The following POLN variants were observed in gnomAD, a reference collection of about 807,000 sequenced individuals.
POLN encodes the protein DNA polymerase N.
POLN carries 108 observed loss-of-function variants against 113.5 expected under a neutral mutation model. The observed-to-expected ratio is 0.95, with a 90% CI of 0.81 to 1.12. POLN has a LOEUF of 1.12. Ranked by LOEUF, POLN falls within the 50% of genes most tolerant of loss-of-function variation. POLN has a pLI of 0.00. For missense variants in POLN, 1,097 were observed against 1,077.1 expected (o/e 1.02, Z -0.26); for synonymous variants, 386 against 391.5 (o/e 0.99, Z 0.17).
chr4:2,177,915 G>T (rs1733034304), intron 8 of POLN, among the ~76,000 whole-genome samples: 1 of 152,244 alleles, frequency 6.6e-6, no homozygotes, highest in Non-Finnish European at 1.5e-5. Context: ...AAGCCTACCA[G>T]TTCCAGCTCC....
intron 16 of POLN, among the ~76,000 whole-genome samples, chr4:2,137,341 G>A (rs867393917): frequency 2.8e-4 from 43 of 152,052 alleles, no homozygotes; most frequent in African/African-American, 8.7e-4. Flanking sequence ...CAATGCCAGC[G>A]GTCTCTTGAA....
chr4:2,116,607 G>A (rs924828918), intron 19 of POLN, among the ~76,000 whole-genome samples: 5 of 152,040 alleles, frequency 3.3e-5, no homozygotes, highest in African/African-American at 1.2e-4. Context: ...ATAGGATAGG[G>A]TGTGCATACA....
At chr4:2,176,393 C>G (rs754925845) in intron 8 of POLN, 59 bp from the exon 9 acceptor site, 25 of 1,268,516 alleles carry the variant, frequency 2.0e-5, no homozygotes, top group Admixed American at 4.7e-5. Context: ...GTGCTCACCA[C>G]AGTCTGTAAC....
In POLN at chr4:2,193,107, G is replaced by C. The variant is rs756772694; in HGVS notation, c.1021+97C>G. On this transcript the variant is annotated intron_variant, in intron 7 of 25. Transcript: ENST00000511885. Reference sequence around the variant, plus strand: ...CAGTCTGTGTGGCCAGGTCCTCCAGGAGTTGTGTGACATGGCTGCCCTCAC... The same window carrying C: ...CAGTCTGTGTGGCCAGGTCCTCCAGCAGTTGTGTGACATGGCTGCCCTCAC... 153 of 892,576 alleles carry C rather than the reference G, an allele frequency of 1.7e-4. 1 individual carries two copies. Among genetic ancestry groups the C allele is most frequent in the Non-Finnish European group, 4.2e-5 (24 of 577,014 alleles). 55.3% of individuals were successfully genotyped at this position (892,576 alleles called of 1,614,324 possible).
chr4:2,211,309 T>C (rs1481501065), intron 4 of POLN, among the ~76,000 whole-genome samples: 1 of 148,756 alleles, frequency 6.7e-6, no homozygotes, highest in Non-Finnish European at 1.5e-5. Flanking sequence ...AAGAGGATTG[T>C]GGATATCAAG....
chr4:2,217,947 C>T (rs565927814), intron 3 of POLN, among the ~76,000 whole-genome samples: 1 of 152,352 alleles, frequency 6.6e-6, no homozygotes, highest in South Asian at 2.1e-4. Context: ...TGGTTAACCA[C>T]GTTGCAGGAT....
chr4:2,118,751 A>G (rs1731375396), intron 19 of POLN, among the ~76,000 whole-genome samples: 1 of 152,246 alleles, frequency 6.6e-6, no homozygotes, highest in South Asian at 2.1e-4. Context: ...TTATGCTACC[A>G]TGAGAAGTCA....
intron 7 of POLN, among the ~76,000 whole-genome samples, chr4:2,190,023 C>T (rs1278221940): frequency 2.8e-4 from 24 of 86,138 alleles, no homozygotes; most frequent in Admixed American, 8.5e-4. Flanking sequence ...GACTCCATCT[C>T]AAAAAAAAAA....
At chr4:2,191,985 C>T (rs1156949063) in intron 7 of POLN, among the ~76,000 whole-genome samples, 1 of 152,016 alleles carries the variant, frequency 6.6e-6, no homozygotes, top group South Asian at 2.1e-4. Context: ...TGGTGGCGCA[C>T]ACCTGTAGTC....
chr4:2,119,192 T>C (rs1474391630), intron 19 of POLN, among the ~76,000 whole-genome samples: 1 of 152,156 alleles, frequency 6.6e-6, no homozygotes, highest in African/African-American at 2.4e-5. Context: ...GAAGAAAAAA[T>C]GAACATATTC....
chr4:2,083,404 C>G (rs934492638), intron 21 of POLN, among the ~76,000 whole-genome samples: 1 of 152,208 alleles, frequency 6.6e-6, no homozygotes, highest in East Asian at 1.9e-4. Context: ...CTCTCAGAAA[C>G]GAGCAATACG....
At chr4:2,167,608 A>G (rs1439690837) in intron 13 of POLN, among the ~76,000 whole-genome samples, 2 of 152,148 alleles carry the variant, frequency 1.3e-5, no homozygotes, top group Non-Finnish European at 2.9e-5. Flanking sequence ...CATTTAATTT[A>G]GAAATCAAGG....
At chr4:2,180,172 G>A (rs1733099664) in intron 7 of POLN, among the ~76,000 whole-genome samples, 1 of 152,162 alleles carries the variant, frequency 6.6e-6, no homozygotes, top group Non-Finnish European at 1.5e-5. Context: ...CAAAAACTGG[G>A]GGGAAAGATT....
Position 2,170,681 on chromosome 4 carries a change from C to G in POLN, c.1552G>C (p.Val518Leu), listed in dbSNP as rs761111271. The change falls in exon 13 of 26, where the codon GTG (valine) becomes CTG (leucine). Residue 518 changes from valine (V) to leucine (L), a missense_variant and splice_region_variant. Coordinates refer to ENST00000511885, the MANE Select transcript of POLN (RefSeq NM_181808.4). The stretch of plus-strand genomic sequence containing the variant: ...AAAGGATAACTCTGAAACCTTACCA[C>G]TGCTTCTGATGTAGACGGGTATTTC... ...LQKYPSTSEA[V>L]LNALRDLHPL... The G allele has an allele frequency of 5.6e-6, 9 of 1,611,514 alleles. No homozygotes were observed. The East Asian group carries it at 2.0e-4, about 36-fold the overall frequency.
Position 2,126,188 on chromosome 4 carries a change from A to G in POLN, c.1982+1925T>C, listed in dbSNP as rs1217422307. On this transcript the variant is annotated intron_variant, in intron 19 of 25. Coordinates refer to ENST00000511885, the MANE Select transcript of POLN (RefSeq NM_181808.4). The surrounding 1 kb of genome is among the most constrained non-coding windows in gnomAD (Gnocchi z 4.6). ...TCTTCCTGTGCTGGGCAAACACTTC[A>G]TTATTCTTTGCTTTTGTCACTTTCC... Among the ~76,000 whole-genome samples, 1 of 152,132 alleles carries G rather than the reference A, an allele frequency of 6.6e-6. No homozygotes were observed. The highest frequency in any genetic ancestry group is 6.5e-5 in the Admixed American group (1 of 15,280).
Position 2,208,031 on chromosome 4 carries a change from TTA to T in POLN, c.668_669del (p.Ile223AsnfsTer6), listed in dbSNP as rs750349421. On this transcript the variant is annotated frameshift_variant, in exon 5 of 26. Coordinates refer to ENST00000511885, the MANE Select transcript of POLN (RefSeq NM_181808.4). LOFTEE classifies it high-confidence loss of function. ...EMLKQAAALV[I>X]TVMYTDGSTQ... ...GTGGAACCATCAGTATACATCACAG[TTA>T]TCACCAGGGCTGCTGCCTGTTTGAG... The T allele has an allele frequency of 6.2e-7, 1 of 1,614,054 alleles. No homozygotes were observed. The highest frequency in any genetic ancestry group is 8.5e-7 in the Non-Finnish European group (1 of 1,179,984).
At chr4:2,184,134 G>A (rs1441704718) in intron 7 of POLN, among the ~76,000 whole-genome samples, 4 of 149,444 alleles carry the variant, frequency 2.7e-5, no homozygotes, top group East Asian at 2.0e-4. Flanking sequence ...GATTACAGAC[G>A]TGAGCCACCG....
At chr4:2,098,969 C>G (rs1296933917) in intron 19 of POLN, among the ~76,000 whole-genome samples, 19 of 152,192 alleles carry the variant, frequency 1.2e-4, no homozygotes, top group Admixed American at 1.2e-3. Flanking sequence ...TCAAGGGACA[C>G]AGGAGCCAAC....
intron 19 of POLN, among the ~76,000 whole-genome samples, chr4:2,113,168 T>C (rs1002509091): frequency 9.6e-5 from 13 of 134,740 alleles, no homozygotes; most frequent in African/African-American, 3.7e-4. Flanking sequence ...TTCTCACTCA[T>C]AGGTGGGAAT....
Sources: allele counts gnomAD v4.1 joint callset (sites outside exome capture counted in the v4.1 genomes callset), GRCh38; gene constraint gnomAD v4.1.1; non-coding constraint Gnocchi (gnomAD v3.1); transcripts MANE v1.5; gene names NCBI Gene and HGNC (gene_info 2026-07-23, HGNC 2026-07-21).